Variants in TAFA1 observed in about 807,000 individuals in gnomAD.
TAFA1 encodes the protein chemokine-like protein TAFA-1.
TAFA1 carries 4 observed loss-of-function variants against 18.5 expected under a neutral mutation model. The ratio of observed to expected loss-of-function variants is 0.22; its 90% CI spans 0.11 to 0.49. The LOEUF (loss-of-function observed/expected upper bound fraction) is 0.49. Among genes scored for constraint, TAFA1 ranks in the 20% least tolerant of loss-of-function variants. The pLI, the probability that TAFA1 is intolerant of heterozygous loss-of-function variation, is 0.98. For missense variants in TAFA1, 147 were observed against 169.0 expected (o/e 0.87, Z 0.72); for synonymous variants, 56 against 55.2 (o/e 1.01, Z -0.06).
Position 68,006,649 on chromosome 3 carries a change from C to T in TAFA1, c.23C>T (p.Ser8Phe), listed in dbSNP as rs1486610941. The T allele has an allele frequency of 1.2e-6, 2 of 1,613,852 alleles. No individual in the cohort carries two copies. Among genetic ancestry groups the T allele is most frequent in the East Asian group, 2.2e-5 (1 of 44,880 alleles). MAMVSAM[S>F]WVLYLWISAC... Reference sequence around the variant, plus strand: ...AGAATGGCAATGGTCTCTGCGATGTCCTGGGTCCTGTATTTGTGGATAAGT... The same window carrying T: ...AGAATGGCAATGGTCTCTGCGATGTTCTGGGTCCTGTATTTGTGGATAAGT... Residue 8 changes from serine (S) to phenylalanine (F), a missense_variant, in exon 2 of 5, where the codon TCC becomes TTC. Ser to Phe is a radical substitution (Grantham distance 155, BLOSUM62 -2). Coordinates refer to ENST00000478136, the MANE Select transcript of TAFA1 (RefSeq NM_213609.4).
chr3:68,410,410 T>G (rs1460909654), intron 2 of TAFA1, among the ~76,000 whole-genome samples: 3 of 152,220 alleles, frequency 2.0e-5, no homozygotes, highest in Middle Eastern at 3.4e-3. Flanking sequence ...TCGGTGTGCA[T>G]TAGCCAGATA....
At chr3:68,312,141 C>G (rs2068532008) in intron 2 of TAFA1, among the ~76,000 whole-genome samples, 1 of 152,194 alleles carries the variant, frequency 6.6e-6, no homozygotes, top group Non-Finnish European at 1.5e-5. Flanking sequence ...CATCAAGTCC[C>G]TAGGCTGCAC....
intron 2 of TAFA1, among the ~76,000 whole-genome samples, chr3:68,148,278 C>T (rs1250722199): frequency 2.0e-5 from 3 of 152,170 alleles, no homozygotes; most frequent in Non-Finnish European, 2.9e-5. Context: ...AACTATTTGA[C>T]GTAGCATAGC....
the TAFA1 span, among the ~76,000 whole-genome samples, chr3:67,994,692 C>G: frequency 3.3e-5 from 5 of 152,160 alleles, no homozygotes; most frequent in Non-Finnish European, 1.5e-5. Context: ...CAGTTAATGA[C>G]TCCTGATTAA....
intron 3 of TAFA1, among the ~76,000 whole-genome samples, chr3:68,480,475 G>T (rs141657100): frequency 4.6e-5 from 7 of 152,110 alleles, no homozygotes; most frequent in African/African-American, 7.2e-5. Flanking sequence ...TCAGAAAGTC[G>T]TGAGTGCAGT....
chr3:68,413,464 A>G (rs924976492), intron 2 of TAFA1, among the ~76,000 whole-genome samples: 3 of 152,162 alleles, frequency 2.0e-5, no homozygotes, highest in Non-Finnish European at 4.4e-5. Context: ...TATTATTACT[A>G]TTACCATTGG....
At chr3:68,220,012 C>A (rs893873723) in intron 2 of TAFA1, among the ~76,000 whole-genome samples, 2 of 152,136 alleles carry the variant, frequency 1.3e-5, no homozygotes, top group Non-Finnish European at 2.9e-5. Context: ...TTTGTCCTCT[C>A]CAATCCTTTG....
chr3:68,026,143 A>G (rs1379233823), intron 2 of TAFA1, among the ~76,000 whole-genome samples: 2 of 152,112 alleles, frequency 1.3e-5, no homozygotes, highest in African/African-American at 4.8e-5. Context: ...CACAGCCTTC[A>G]GCTCTTTGCT....
chr3:68,398,514 C>A (rs13059847), intron 2 of TAFA1, among the ~76,000 whole-genome samples: 1 of 152,128 alleles, frequency 6.6e-6, no homozygotes, highest in African/African-American at 2.4e-5. Flanking sequence ...GCTAGCATCC[C>A]TTCAAATGTC....
chr3:68,081,907 C>A (rs1174466638), intron 2 of TAFA1, among the ~76,000 whole-genome samples: 3 of 152,210 alleles, frequency 2.0e-5, no homozygotes, highest in Non-Finnish European at 4.4e-5. Context: ...CGCCCCTCTC[C>A]CAGCCTCGCT....
At chr3:68,461,465 C>T (rs1012400845) in intron 3 of TAFA1, among the ~76,000 whole-genome samples, 1 of 150,054 alleles carries the variant, frequency 6.7e-6, no homozygotes, top group African/African-American at 2.5e-5. Flanking sequence ...CCCCTACCAG[C>T]ATCCAATCTG....
intron 3 of TAFA1, among the ~76,000 whole-genome samples, chr3:68,502,049 A>AT (rs1019559065): frequency 6.6e-6 from 1 of 152,148 alleles, no homozygotes; most frequent in Non-Finnish European, 1.5e-5. Flanking sequence ...GTACATGGAA[A>AT]TTCTTTACTG....
intron 2 of TAFA1, among the ~76,000 whole-genome samples, chr3:68,146,543 G>C (rs2065743532): frequency 1.3e-5 from 2 of 152,174 alleles, no homozygotes; most frequent in South Asian, 4.1e-4. Flanking sequence ...TCCCCATCTT[G>C]GGGACCCACA....
At chr3:68,479,907 TCAC>T (rs1040362382) in intron 3 of TAFA1, among the ~76,000 whole-genome samples, 3 of 151,736 alleles carry the variant, frequency 2.0e-5, no homozygotes, top group African/African-American at 4.8e-5. Context: ...AACACACACA[TCAC>T]CACATTAGGG....
At chr3:68,498,017 A>C (rs192584906) in intron 3 of TAFA1, among the ~76,000 whole-genome samples, 1 of 152,296 alleles carries the variant, frequency 6.6e-6, no homozygotes, top group Non-Finnish European at 1.5e-5. Flanking sequence ...GGTGACTTCC[A>C]TTACTAACTC....
intron 2 of TAFA1, among the ~76,000 whole-genome samples, chr3:68,383,512 T>G (rs1417277613): frequency 6.6e-6 from 1 of 152,198 alleles, no homozygotes; most frequent in Non-Finnish European, 1.5e-5. Flanking sequence ...GAACAAACTT[T>G]GCATTCCAGG....
At chr3:68,146,653 A>C (rs886730729) in intron 2 of TAFA1, among the ~76,000 whole-genome samples, 3 of 152,218 alleles carry the variant, frequency 2.0e-5, no homozygotes, top group African/African-American at 7.2e-5. Flanking sequence ...TAATCTACAA[A>C]TATCTTAAGA....
intron 2 of TAFA1, among the ~76,000 whole-genome samples, chr3:68,160,735 G>A (rs1430563258): frequency 6.6e-6 from 1 of 152,118 alleles, no homozygotes. Context: ...TTAAAAAGTG[G>A]GGACAGGATT....
At chr3:68,541,855 C>A (rs2073381679) in intron 4 of TAFA1, among the ~76,000 whole-genome samples, 2 of 152,090 alleles carry the variant, frequency 1.3e-5, no homozygotes, top group Admixed American at 6.6e-5. Flanking sequence ...TCATCCTGAA[C>A]AAAATTCTCT....
Sources: gnomAD v4.1 joint callset for allele counts (sites outside exome capture counted in the v4.1 genomes callset) on GRCh38, gnomAD v4.1.1 for gene constraint, MANE v1.5 for transcripts, NCBI Gene and HGNC (gene_info 2026-07-23, HGNC 2026-07-21) for gene names.